CSMD1: variants seen among roughly 807,000 people sequenced by gnomAD.
The protein encoded by CSMD1 is CUB and sushi domain-containing protein 1.
Under a neutral mutation model 417.5 loss-of-function variants are expected in CSMD1, and 213 were observed. The observed-to-expected ratio is 0.51, with a 90% confidence interval of 0.46 to 0.57. The LOEUF is 0.57. CSMD1 is among the 20% of genes least tolerant of loss of function. The pLI, the probability that CSMD1 is intolerant of heterozygous loss-of-function variation, is 0.00. For synonymous variants in CSMD1, 2,862 were observed against 1,736.8 expected (o/e 1.65, Z -16.11); for missense variants, 6,923 against 4,529.7 (o/e 1.53, Z -15.17).
intron 54 of CSMD1, among the ~76,000 whole-genome samples, chr8:2,986,021 G>A (rs1805874910): frequency 6.9e-6 from 1 of 144,810 alleles, no homozygotes; most frequent in African/African-American, 2.8e-5. Flanking sequence ...GAGGGAGGGA[G>A]GGAGAAAACC....
intron 5 of CSMD1, among the ~76,000 whole-genome samples, chr8:3,941,739 A>G (rs1316570031): frequency 2.0e-5 from 3 of 152,178 alleles, no homozygotes; most frequent in Admixed American, 6.5e-5. Context: ...ACAGAGCTAA[A>G]TCTTGCCTAA....
chr8:4,387,328 G>A (rs1009743324), intron 3 of CSMD1, among the ~76,000 whole-genome samples: 9 of 151,888 alleles, frequency 5.9e-5, no homozygotes, highest in South Asian at 2.1e-4. Flanking sequence ...ACAATTTACC[G>A]TAAGTGACAA....
chr8:3,091,557 T>G lies in CSMD1; in HGVS notation c.7244A>C (p.Asp2415Ala). 6.2e-7 allele frequency: 1 copy of G among 1,609,968 alleles called. No homozygotes were observed. The highest frequency in any genetic ancestry group is 2.2e-5 in the East Asian group (1 of 44,624). The change falls in exon 48 of 70, where the codon GAC becomes GCC. Residue 2415 changes from aspartate (D) to alanine (A), a missense_variant. Transcript: ENST00000635120. ...SNQLYLRWST[D>A]HATSKKGFKI... The stretch of plus-strand genomic sequence containing the variant: ...GAATCCTTTCTTACTGGTGGCATGG[T>G]CAGTGGACCAGCGGAGATATAACTG...
In CSMD1 at chr8:3,124,721, C is replaced by T. The variant is rs112499077; in HGVS notation, c.6242-6134G>A. Among the ~76,000 whole-genome samples, 1,351 of 152,246 alleles carry T rather than the reference C, an allele frequency of 8.9e-3. 22 individuals are homozygous for T. The highest frequency in any genetic ancestry group is 0.031 in the African/African-American group (1,285 of 41,566). The stretch of plus-strand genomic sequence containing the variant: ...TCGTCAAATTGTTCAGACCACAGGA[C>T]GTTCATTAGAACACATTTTATAAGT... On this transcript the variant is annotated intron_variant, in intron 41 of 69. Coordinates refer to ENST00000635120, the MANE Select transcript of CSMD1 (RefSeq NM_033225.6).
chr8:3,948,376 C>A (rs1321375550), intron 5 of CSMD1, among the ~76,000 whole-genome samples: 1 of 152,024 alleles, frequency 6.6e-6, no homozygotes, highest in Non-Finnish European at 1.5e-5. Context: ...ACTTTGGAAG[C>A]ACTGATGCAT....
chr8:3,613,193 C>T, intron 8 of CSMD1: 1 of 236,032 alleles, frequency 4.2e-6, no homozygotes, highest in Non-Finnish European at 8.8e-6. Context: ...GAAAGATACA[C>T]ACTATCAAAG....
chr8:4,496,067 A>C (rs1801962461), intron 2 of CSMD1, among the ~76,000 whole-genome samples: 1 of 152,184 alleles, frequency 6.6e-6, no homozygotes, highest in Non-Finnish European at 1.5e-5. Flanking sequence ...CTTTTGTTCC[A>C]CTTAAATGAT....
At chr8:3,678,781 C>G (rs34482861) in intron 7 of CSMD1, among the ~76,000 whole-genome samples, 70,458 of 151,898 alleles carry the variant, frequency 0.46, 17,071 homozygotes, top group African/African-American at 0.59. Context: ...TAAGTGCAGC[C>G]AGAGAGAAAG....
chr8:4,276,737 A>T (rs148253480), intron 3 of CSMD1, among the ~76,000 whole-genome samples: 1 of 152,212 alleles, frequency 6.6e-6, no homozygotes, highest in Non-Finnish European at 1.5e-5. Flanking sequence ...AAGGAAATGT[A>T]TATGTGTTTT....
At chr8:3,743,450 A>G (rs1410837532) in intron 6 of CSMD1, among the ~76,000 whole-genome samples, 4 of 152,184 alleles carry the variant, frequency 2.6e-5, no homozygotes, top group Admixed American at 6.5e-5. Context: ...TTATGTGGAG[A>G]CTTCTGAATA....
At chr8:3,157,612 C>G (rs1336732187) in intron 39 of CSMD1, among the ~76,000 whole-genome samples, 1 of 152,170 alleles carries the variant, frequency 6.6e-6, no homozygotes, top group African/African-American at 2.4e-5. Flanking sequence ...ACAAACTGGC[C>G]TTCTGACACA....
chr8:3,364,048 G>T (rs961037516), intron 20 of CSMD1, among the ~76,000 whole-genome samples: 1 of 152,086 alleles, frequency 6.6e-6, no homozygotes, highest in Non-Finnish European at 1.5e-5. Context: ...CGATTAACAG[G>T]AAAGAAGGCA....
chr8:3,396,436 C>T (rs1312496477), intron 16 of CSMD1, 55 bp from the exon 17 acceptor site: 20 of 1,296,648 alleles, frequency 1.5e-5, no homozygotes, highest in African/African-American at 3.0e-5. Flanking sequence ...AGCTTACAGA[C>T]GTGCTCCTGA....
intron 4 of CSMD1, among the ~76,000 whole-genome samples, chr8:4,013,936 T>C (rs1210465910): frequency 9.2e-5 from 14 of 152,166 alleles, no homozygotes; most frequent in Admixed American, 9.2e-4. Context: ...TTACCAGCCC[T>C]GATTGATAAG....
At chr8:3,963,337 G>T (rs1812449585) in intron 5 of CSMD1, among the ~76,000 whole-genome samples, 1 of 152,166 alleles carries the variant, frequency 6.6e-6, no homozygotes, top group Non-Finnish European at 1.5e-5. Context: ...AATTAAATAT[G>T]TTGGAAAGAA....
intron 1 of CSMD1, among the ~76,000 whole-genome samples, chr8:4,649,431 A>C (rs1245274740): frequency 1.3e-5 from 2 of 152,230 alleles, no homozygotes; most frequent in East Asian, 3.9e-4. Context: ...TGATGAGAAA[A>C]ACTAAAGAGC....
At chr8:4,025,504 A>T (rs888248334) in intron 4 of CSMD1, among the ~76,000 whole-genome samples, 1 of 152,228 alleles carries the variant, frequency 6.6e-6, no homozygotes, top group Non-Finnish European at 1.5e-5. Context: ...AGGCAAAAGC[A>T]TTTTTCATTG....
At chr8:3,086,683 A>G (rs898468121) in intron 49 of CSMD1, among the ~76,000 whole-genome samples, 5 of 152,244 alleles carry the variant, frequency 3.3e-5, no homozygotes, top group Non-Finnish European at 7.3e-5. Flanking sequence ...GATTTAAATA[A>G]CAAAACAAAA....
At chr8:3,202,133 A>G (rs1797024696) in intron 31 of CSMD1, among the ~76,000 whole-genome samples, 1 of 152,010 alleles carries the variant, frequency 6.6e-6, no homozygotes, top group South Asian at 2.1e-4. Context: ...GTACCACTGC[A>G]CTCCAGCCTG....
Sources: allele counts gnomAD v4.1 joint callset (sites outside exome capture counted in the v4.1 genomes callset), GRCh38; gene constraint gnomAD v4.1.1; transcripts MANE v1.5; gene names NCBI Gene and HGNC (gene_info 2026-07-23, HGNC 2026-07-21).